The following ADGRB3 variants were observed in gnomAD, a reference collection of about 807,000 sequenced individuals.
ADGRB3 encodes the protein adhesion G protein-coupled receptor B3.
In ADGRB3, 37 loss-of-function variants were observed where a neutral mutation model predicts 193.4. The ratio of observed to expected loss-of-function variants is 0.19; its 90% CI spans 0.15 to 0.25. The LOEUF is 0.25. Among genes scored for constraint, ADGRB3 ranks in the 10% least tolerant of loss-of-function variants. The probability of loss-of-function intolerance (pLI) is 1.00; values close to 1 mark genes in which losing one functional copy is unlikely to be tolerated. For synonymous variants in ADGRB3, 690 were observed against 644.2 expected, an observed-to-expected ratio of 1.07 and a Z score of -1.08; for missense variants, 1,637 against 1,852.9, an observed-to-expected ratio of 0.88 and a Z score of 2.14.
chr6:68,995,496 T>A (rs886349841), intron 11 of ADGRB3, among the ~76,000 whole-genome samples: 2 of 152,210 alleles, frequency 1.3e-5, no homozygotes, highest in African/African-American at 2.4e-5. Flanking sequence ...TTTGTGTGCA[T>A]AAATTCAATG....
intron 3 of ADGRB3, among the ~76,000 whole-genome samples, chr6:68,664,297 G>C (rs886288444): frequency 5.9e-5 from 9 of 151,698 alleles, no homozygotes; most frequent in Non-Finnish European, 1.2e-4. Flanking sequence ...AATATTGTTA[G>C]AGATTGAATG....
chr6:69,071,191 C>T (rs1400871071), intron 16 of ADGRB3, among the ~76,000 whole-genome samples: 1 of 152,160 alleles, frequency 6.6e-6, no homozygotes, highest in Non-Finnish European at 1.5e-5. Flanking sequence ...CTTCTGACTT[C>T]TGCACTTTGT....
intron 3 of ADGRB3, among the ~76,000 whole-genome samples, chr6:68,797,186 C>T (rs139654439): frequency 6.6e-6 from 1 of 152,218 alleles, no homozygotes; most frequent in East Asian, 1.9e-4. Context: ...GGGTCAATCA[C>T]GCTGATAGTA....
rs1374469042 is a variant in ADGRB3, at chr6:69,234,817, C to T, written c.2608-215C>T. On this transcript the variant is annotated intron_variant, in intron 18 of 31. Coordinates refer to ENST00000370598, the MANE Select transcript of ADGRB3 (RefSeq NM_001704.3). ...AGCCCACCATTTAAAACTCTAATGA[C>T]TTTATTACTTCACAGTGGGAGAGAG... Among the ~76,000 whole-genome samples the T allele has an allele frequency of 2.0e-5, 3 of 151,972 alleles. No individual in the cohort carries two copies. The East Asian group carries it at 5.8e-4, about 29-fold the overall frequency.
Position 68,936,482 on chromosome 6 carries a change from G to A in ADGRB3, c.869-37G>A, listed in dbSNP as rs767391117. 7.5e-6 allele frequency: 12 copies of A among 1,597,338 alleles called. No homozygotes were observed. The South Asian group carries it at 1.3e-4, about 18-fold the overall frequency. On this transcript the variant is annotated intron_variant, in intron 4 of 31. Transcript: ENST00000370598. ...TAATGCTTACTAGATGAATACTTAA[G>A]ACAGTATTTCATGTTTATTTGTTGT... is the stretch of plus-strand genomic sequence containing the variant.
At chr6:68,834,980 C>T (rs1172134758) in intron 3 of ADGRB3, among the ~76,000 whole-genome samples, 2 of 151,764 alleles carry the variant, frequency 1.3e-5, no homozygotes, top group East Asian at 3.9e-4. Flanking sequence ...TAAAAAAAAT[C>T]CAAGCATTTA....
At chr6:69,339,188 TA>T in intron 25 of ADGRB3, 144 bp from the exon 26 acceptor site, 1 of 1,098,452 alleles carries the variant, frequency 9.1e-7, no homozygotes, top group Non-Finnish European at 1.3e-6. Flanking sequence ...AAAAAAAAAA[TA>T]AGACTCTCAA....
intron 5 of ADGRB3, among the ~76,000 whole-genome samples, chr6:68,939,938 C>T (rs1356934059): frequency 6.6e-6 from 1 of 152,106 alleles, no homozygotes; most frequent in East Asian, 1.9e-4. Context: ...TCACTTTCCA[C>T]AAAATGTGTG....
chr6:68,744,332 T>G (rs1766040088), intron 3 of ADGRB3, among the ~76,000 whole-genome samples: 1 of 152,130 alleles, frequency 6.6e-6, no homozygotes, highest in African/African-American at 2.4e-5. Context: ...AGTGTGGCAA[T>G]TCCTCAAGGA....
chr6:69,344,408 G>A (rs1769041884), intron 26 of ADGRB3, among the ~76,000 whole-genome samples: 1 of 152,170 alleles, frequency 6.6e-6, no homozygotes, highest in Admixed American at 6.6e-5. Context: ...CCCTTTTTTA[G>A]CCTATTTCCT....
chr6:68,810,759 G>T (rs951695588), intron 3 of ADGRB3, among the ~76,000 whole-genome samples: 1 of 152,046 alleles, frequency 6.6e-6, no homozygotes, highest in East Asian at 1.9e-4. Context: ...ATAAAAAAGT[G>T]AAATATGAAG....
Position 69,382,831 on chromosome 6 carries a change from A to G in ADGRB3, c.4276A>G (p.Lys1426Glu). Residue 1426 changes from lysine (K) to glutamate (E), a missense_variant and splice_region_variant, in exon 31 of 32, where the codon AAG becomes GAG. Lys to Glu is a moderately conservative substitution (Grantham distance 56). Around this residue, in one of 7 missense-constraint regions of ADGRB3, gnomAD observed 368 missense variants for 367.4 expected, o/e 1.00. Transcript: ENST00000370598. ...KSRYSDLDFEKVMHTRKRHME... is the reference protein window; with the variant it reads ...KSRYSDLDFEEVMHTRKRHME... ...AGAGCTATCTTGTTCTTTTTTGCAG[A>G]AGGTCATGCATACAAGGAAGAGGCA... 6.3e-7 allele frequency: 1 copy of G among 1,592,768 alleles called. No individual in the cohort carries two copies.
chr6:68,954,950 C>T (rs750815093), intron 6 of ADGRB3, among the ~76,000 whole-genome samples: 3 of 152,086 alleles, frequency 2.0e-5, no homozygotes, highest in Admixed American at 6.6e-5. Context: ...CAAAGTGCTG[C>T]GATTACAGGC....
chr6:68,983,924 A>G (rs757834594), intron 10 of ADGRB3, among the ~76,000 whole-genome samples: 2 of 152,202 alleles, frequency 1.3e-5, no homozygotes, highest in African/African-American at 2.4e-5. Flanking sequence ...TGCATGAGAT[A>G]AACATGTAAA....
chr6:68,677,843 G>A (rs966238878), intron 3 of ADGRB3, among the ~76,000 whole-genome samples: 1 of 152,076 alleles, frequency 6.6e-6, no homozygotes, highest in Admixed American at 6.5e-5. Flanking sequence ...CTGACCTCAA[G>A]TGATCTACCG....
In ADGRB3 at chr6:69,233,281, C is replaced by A; in HGVS notation, c.2481-9C>A. The A allele has an allele frequency of 6.2e-7, 1 of 1,613,394 alleles. No individual in the cohort carries two copies. The highest frequency in any genetic ancestry group is 8.5e-7 in the Non-Finnish European group (1 of 1,179,712). ...TCCCGATTTCCTCCCCCCTCACTCC[C>A]CTTTGCAGGAACGAGTCTTTGGGAA... On this transcript the variant is annotated splice_polypyrimidine_tract_variant and intron_variant, in intron 17 of 31. Coordinates refer to ENST00000370598, the MANE Select transcript of ADGRB3 (RefSeq NM_001704.3).
intron 12 of ADGRB3, among the ~76,000 whole-genome samples, chr6:69,015,814 C>A (rs1160218295): frequency 6.6e-6 from 1 of 151,854 alleles, no homozygotes; most frequent in African/African-American, 2.4e-5. Flanking sequence ...TTAGATAAAG[C>A]ATCCTACTAA....
At chr6:69,237,597 A>G (rs1365767608) in intron 19 of ADGRB3, among the ~76,000 whole-genome samples, 2 of 152,064 alleles carry the variant, frequency 1.3e-5, no homozygotes, top group Non-Finnish European at 1.5e-5. Flanking sequence ...CTCAGTTTTG[A>G]TAAAAATAGA....
chr6:68,891,181 TACTC>T (rs750402286), intron 3 of ADGRB3, among the ~76,000 whole-genome samples: 2 of 152,126 alleles, frequency 1.3e-5, no homozygotes, highest in African/African-American at 4.8e-5. Context: ...TTGTGAGACT[TACTC>T]ACTATTACAA....
Sources: allele counts gnomAD v4.1 joint callset (sites outside exome capture counted in the v4.1 genomes callset), GRCh38; gene constraint gnomAD v4.1.1; regional missense constraint gnomAD v4.1.1; transcripts MANE v1.5; gene names NCBI Gene and HGNC (gene_info 2026-07-23, HGNC 2026-07-21).